SPRR2G: variants seen among roughly 807,000 people sequenced by gnomAD.
SPRR2G encodes the protein small proline-rich protein 2G.
SPRR2G carries 1 observed loss-of-function variant against 0.7 expected under a neutral mutation model. That is an observed-to-expected ratio of 1.49 (90% confidence interval 0.53 to 7.06). The LOEUF (loss-of-function observed/expected upper bound fraction) is 7.06, where lower values mean the gene tolerates loss of function less well. Ranked by LOEUF, SPRR2G falls within the 30% of genes most tolerant of loss-of-function variation. The probability of loss-of-function intolerance (pLI) is 0.14; values close to 1 mark genes in which losing one functional copy is unlikely to be tolerated. For missense variants in SPRR2G, 96 were observed against 88.5 expected, an observed-to-expected ratio of 1.09 and a Z score of -0.34; for synonymous variants, 38 against 33.9, an observed-to-expected ratio of 1.12 and a Z score of -0.42.
the SPRR2G span, among the ~76,000 whole-genome samples, chr1:153,201,341 C>T: frequency 6.6e-6 from 1 of 152,194 alleles, no homozygotes; most frequent in South Asian, 2.1e-4. Context: ...TACTTTGATT[C>T]ACTGAGAACT....
At chr1:153,159,071 T>C in the SPRR2G span, among the ~76,000 whole-genome samples, 1 of 152,204 alleles carries the variant, frequency 6.6e-6, no homozygotes, top group Non-Finnish European at 1.5e-5. Context: ...TCTGAAATAC[T>C]CTGGAGACAT....
the SPRR2G span, among the ~76,000 whole-genome samples, chr1:153,164,841 G>A: frequency 2.0e-5 from 3 of 152,110 alleles, no homozygotes; most frequent in African/African-American, 7.2e-5. Flanking sequence ...CAGACATGGA[G>A]TAACAGCTGT....
At chr1:153,175,767 T>G in the SPRR2G span, among the ~76,000 whole-genome samples, 66 of 152,306 alleles carry the variant, frequency 4.3e-4, no homozygotes, top group African/African-American at 1.6e-3. Context: ...CACCTCACAG[T>G]TCCTAAGACA....
rs1656417495 is a variant in SPRR2G at position 153,149,758 on chromosome 1, A to AC, written c.*130dup. 4.2e-6 allele frequency: 5 copies of AC among 1,191,544 alleles called. No homozygotes were observed. The Admixed American group carries it at 6.1e-5, about 15-fold the overall frequency. 73.8% of individuals were successfully genotyped at this position (1,191,544 alleles called of 1,614,324 possible). A position where few individuals can be genotyped will look rare whatever the true frequency, so the allele number is the denominator to read the frequency against. On this transcript the variant is annotated 3_prime_UTR_variant, in exon 2 of 2. Transcript: ENST00000368748. ...TCAGAACTAAGCCTTTTCTCTGTCA[A>AC]CGCTCAAGCCAGACAGAGGTTAGGG...
the SPRR2G span, among the ~76,000 whole-genome samples, chr1:153,179,845 C>A: frequency 6.6e-6 from 1 of 152,126 alleles, no homozygotes; most frequent in Admixed American, 6.6e-5. Context: ...TGTGCCACAG[C>A]AATCCCATAT....
chr1:153,185,633 GTCTA>G, the SPRR2G span, among the ~76,000 whole-genome samples: 2 of 152,056 alleles, frequency 1.3e-5, no homozygotes, highest in Non-Finnish European at 2.9e-5. Flanking sequence ...CTGGCTAGCA[GTCTA>G]TCTATTTTGT....
chr1:153,182,011 A>G, the SPRR2G span, among the ~76,000 whole-genome samples: 1 of 152,224 alleles, frequency 6.6e-6, no homozygotes, highest in African/African-American at 2.4e-5. Flanking sequence ...GTTACCCATA[A>G]TGGCTGTATT....
chr1:153,199,819 T>C, the SPRR2G span, among the ~76,000 whole-genome samples: 1 of 152,116 alleles, frequency 6.6e-6, no homozygotes, highest in East Asian at 1.9e-4. Flanking sequence ...GCTAGAGATT[T>C]CATTCCAAGA....
chr1:153,199,233 G>T, the SPRR2G span, among the ~76,000 whole-genome samples: 4 of 152,290 alleles, frequency 2.6e-5, no homozygotes, highest in African/African-American at 7.2e-5. Flanking sequence ...GGGAAAACTG[G>T]CTGTCCAGGT....
the SPRR2G span, among the ~76,000 whole-genome samples, chr1:153,180,299 C>T: frequency 1.4e-4 from 22 of 152,158 alleles, no homozygotes; most frequent in Non-Finnish European, 1.5e-5. Flanking sequence ...TTAACTTTTT[C>T]CTGGCATCTA....
At chr1:153,158,890 C>A in the SPRR2G span, among the ~76,000 whole-genome samples, 11,305 of 152,226 alleles carry the variant, frequency 0.074, 699 homozygotes, top group African/African-American at 0.17. Flanking sequence ...GAAGCCATGG[C>A]CAGGGCTGTA....
chr1:153,197,143 T>G, the SPRR2G span, among the ~76,000 whole-genome samples: 6 of 61,080 alleles, frequency 9.8e-5, no homozygotes, highest in African/African-American at 8.2e-4. Context: ...TGTGTGTGTG[T>G]GTGTGTGTGT....
chr1:153,161,231 TAATAAAAAATAATAACAATA>T, the SPRR2G span, among the ~76,000 whole-genome samples: 1 of 114,280 alleles, frequency 8.8e-6, no homozygotes, highest in Admixed American at 8.6e-5. Flanking sequence ...ACTTAAAGTA[TAATAAAAAATAATAACAATA>T]ATAGTAGTCA....
rs1436671184 is a variant in SPRR2G at position 153,150,058 on chromosome 1, C to T, written c.53G>A (p.Cys18Tyr). Residue 18 changes from cysteine to tyrosine, a missense_variant, in exon 2 of 2, where the codon TGC becomes TAC. Transcript: ENST00000368748. The part of the protein sequence containing the change: ...CKQPCQPPPV[C>Y]PTPKCPEPCP... ...TGGCTCTGGGCACTTTGGCGTGGGGCACACAGGAGGTGGCTGGCAGGGCTG... is the reference window on the plus strand; with the variant it reads ...TGGCTCTGGGCACTTTGGCGTGGGGTACACAGGAGGTGGCTGGCAGGGCTG... 1 of 1,613,082 alleles carries T rather than the reference C, an allele frequency of 6.2e-7. No individual in the cohort carries two copies. Among genetic ancestry groups the T allele is most frequent in the African/African-American group, 1.3e-5 (1 of 74,838 alleles).
upstream of SPRR2G, among the ~76,000 whole-genome samples, chr1:153,153,197 A>G (rs1280334765): frequency 6.6e-6 from 1 of 152,062 alleles, no homozygotes; most frequent in East Asian, 1.9e-4. Flanking sequence ...CTGCATGACC[A>G]TTTTCTTCTC....
At chr1:153,201,686 T>C in the SPRR2G span, among the ~76,000 whole-genome samples, 1 of 152,238 alleles carries the variant, frequency 6.6e-6, no homozygotes, top group Admixed American at 6.5e-5. Context: ...TTCTCCTCTT[T>C]TATTTAGGTT....
chr1:153,183,498 T>A, the SPRR2G span, among the ~76,000 whole-genome samples: 184 of 152,306 alleles, frequency 1.2e-3, no homozygotes, highest in Non-Finnish European at 2.2e-3. Context: ...CATGTGTTTG[T>A]TGGCCACATA....
the SPRR2G span, among the ~76,000 whole-genome samples, chr1:153,192,561 T>C: frequency 6.6e-6 from 1 of 152,174 alleles, no homozygotes. Flanking sequence ...ACTTCCCTTT[T>C]GCCTAGTCAA....
At chr1:153,162,957 C>A in the SPRR2G span, among the ~76,000 whole-genome samples, 1 of 152,044 alleles carries the variant, frequency 6.6e-6, no homozygotes, top group African/African-American at 2.4e-5. Flanking sequence ...AGTTCTAATG[C>A]CTAAAATGAC....
Sources: allele counts gnomAD v4.1 joint callset (sites outside exome capture counted in the v4.1 genomes callset), GRCh38; gene constraint gnomAD v4.1.1; transcripts MANE v1.5; gene names NCBI Gene and HGNC (gene_info 2026-07-23, HGNC 2026-07-21).